The following SLC5A11 variants were observed in gnomAD, a reference collection of about 807,000 sequenced individuals.
The protein encoded by SLC5A11 is solute carrier family 5 member 11, also known as sodium/myo-inositol cotransporter 2.
Under a neutral mutation model 69.8 loss-of-function variants are expected in SLC5A11, and 48 were observed. That is an observed-to-expected ratio of 0.69 (90% confidence interval 0.55 to 0.87). The LOEUF is 0.87. SLC5A11 is among the 40% of genes least tolerant of loss of function. The probability of loss-of-function intolerance (pLI) is 0.00; values close to 1 mark genes in which losing one functional copy is unlikely to be tolerated. For missense variants in SLC5A11, 784 were observed against 866.1 expected (o/e 0.91, Z 1.19); for synonymous variants, 319 against 342.4 (o/e 0.93, Z 0.75).
intron 8 of SLC5A11, among the ~76,000 whole-genome samples, chr16:24,888,783 CTTTTTTTTT>C (rs1169015317): frequency 4.2e-4 from 19 of 45,740 alleles, no homozygotes; most frequent in Non-Finnish European, 8.6e-4. Context: ...CGTGCCTGTC[CTTTTTTTTT>C]TTTTTTTTTT....
intron 3 of SLC5A11, among the ~76,000 whole-genome samples, chr16:24,868,139 A>C (rs1369086959): frequency 3.3e-5 from 5 of 150,954 alleles, no homozygotes; most frequent in Non-Finnish European, 5.9e-5. Context: ...TCCATTTCAA[A>C]AAAAAAAAAA....
At chr16:24,905,640 G>GCGCGCACACACACACA (rs1443035551) in intron 10 of SLC5A11, among the ~76,000 whole-genome samples, 1 of 136,698 alleles carries the variant, frequency 7.3e-6, no homozygotes, top group African/African-American at 2.8e-5. Flanking sequence ...GCGCGCGCGC[G>GCGCGCACACACACACA]CACACACACA....
At chr16:24,870,359 C>T (rs578162652) in intron 4 of SLC5A11, among the ~76,000 whole-genome samples, 146 of 151,682 alleles carry the variant, frequency 9.6e-4, no homozygotes, top group African/African-American at 3.4e-3. Flanking sequence ...CACTACTGCG[C>T]GCCAGCCTGG....
At chr16:24,849,587 A>ATATAT (rs1446103229) in intron 1 of SLC5A11, among the ~76,000 whole-genome samples, 85 of 81,744 alleles carry the variant, frequency 1.0e-3, no homozygotes, top group Non-Finnish European at 1.9e-3. Context: ...AAAAAAAAAA[A>ATATAT]AAAAAAATAT....
intron 14 of SLC5A11, 94 bp from the exon 16 acceptor site, chr16:24,910,212 C>T (rs994423510): frequency 1.1e-5 from 14 of 1,308,298 alleles, no homozygotes; most frequent in Non-Finnish European, 1.5e-5. Flanking sequence ...GACACAAAGG[C>T]TGAGTGTGGG....
intron 5 of SLC5A11, among the ~76,000 whole-genome samples, chr16:24,874,962 G>A (rs1044998240): frequency 4.0e-5 from 6 of 151,854 alleles, no homozygotes; most frequent in Non-Finnish European, 7.4e-5. Context: ...AACTTGTCTA[G>A]GACTTTTGTC....
intron 2 of SLC5A11, chr16:24,862,221 T>C: frequency 6.0e-6 from 1 of 166,482 alleles, no homozygotes; most frequent in Non-Finnish European, 1.3e-5. Flanking sequence ...TGGTAAGGAT[T>C]AAATGAGGTA....
At position 24,849,754 on chromosome 16, in the gene SLC5A11, G is replaced by A. The variant is rs181440697; in HGVS notation, c.-25+3316G>A. ...GGCAGGTGAAGGACAACGCTCTGCCGGGTCCCCTGCACTCACTGGGCATAT... is the reference window on the plus strand; with the variant it reads ...GGCAGGTGAAGGACAACGCTCTGCCAGGTCCCCTGCACTCACTGGGCATAT... On this transcript the variant is annotated intron_variant, in intron 1 of 15. Coordinates refer to ENST00000347898, the Ensembl canonical transcript of SLC5A11. 1.0e-3 allele frequency among the ~76,000 whole-genome samples: 154 copies of A among 150,810 alleles called. 1 individual carries two copies. Among genetic ancestry groups the A allele is most frequent in the African/African-American group, 3.6e-3 (150 of 41,134 alleles).
Position 24,858,607 on chromosome 16 carries a change from TGCCC to T in SLC5A11, c.-24-12_-24-9del. 1 of 1,581,014 alleles carries T rather than the reference TGCCC, an allele frequency of 6.3e-7. No homozygotes were observed. The highest frequency in any genetic ancestry group is 8.6e-7 in the Non-Finnish European group (1 of 1,161,452). ...TAGGATCTGGCATTTGACTGGCATT[TGCCC>T]TTCCTCAGGATCCAGAGGTCTCGTT... is the stretch of plus-strand genomic sequence containing the variant. On this transcript the variant is annotated splice_polypyrimidine_tract_variant and intron_variant, in intron 1 of 15. Coordinates refer to ENST00000347898, the Ensembl canonical transcript of SLC5A11.
Position 24,881,204 on chromosome 16 carries a change from TA to T in SLC5A11, c.584-2833del, listed in dbSNP as rs879333733. ...CTGGGCAACAGAGCGAAACTCAAAT[TA>T]AAAAAAAAAAAAAGCTGTTCTGACT... On this transcript the variant is annotated intron_variant, in intron 7 of 15. Transcript: ENST00000347898. Among the ~76,000 whole-genome samples the T allele has an allele frequency of 8.1e-3, 1,122 of 138,184 alleles. 1 individual carries two copies. The highest frequency in any genetic ancestry group is 0.015 in the Middle Eastern group (4 of 262). The allele number at this position is 138,184 out of a possible 152,430, so 90.7% of individuals were successfully genotyped here.
At chr16:24,880,309 G>A (rs1044887440) in intron 7 of SLC5A11, among the ~76,000 whole-genome samples, 1 of 152,134 alleles carries the variant, frequency 6.6e-6, no homozygotes, top group Non-Finnish European at 1.5e-5. Flanking sequence ...CGGAGAGAAA[G>A]AGTGAAGCGG....
At chr16:24,903,016 A>G (rs1273032248) in intron 10 of SLC5A11, among the ~76,000 whole-genome samples, 1 of 152,194 alleles carries the variant, frequency 6.6e-6, no homozygotes, top group African/African-American at 2.4e-5. Context: ...AATTAGAGAG[A>G]GTGAAGTGGG....
chr16:24,886,479 T>C (rs113234978), intron 8 of SLC5A11, among the ~76,000 whole-genome samples: 1 of 152,192 alleles, frequency 6.6e-6, no homozygotes, highest in African/African-American at 2.4e-5. Context: ...TGTTTTTGCT[T>C]TTTGAGAAAT....
At chr16:24,890,495 A>G (rs2048704773) in intron 8 of SLC5A11, among the ~76,000 whole-genome samples, 1 of 61,120 alleles carries the variant, frequency 1.6e-5, no homozygotes, top group South Asian at 8.1e-4. Context: ...AAAAAAAAAA[A>G]AAAAAAAAAA....
At chr16:24,885,708 C>A (rs1224912995) in intron 8 of SLC5A11, among the ~76,000 whole-genome samples, 3 of 124,960 alleles carry the variant, frequency 2.4e-5, no homozygotes, top group Admixed American at 1.6e-4. Context: ...ATAGAAAACA[C>A]AGAAAAGCGA....
intron 1 of SLC5A11, among the ~76,000 whole-genome samples, chr16:24,850,464 C>T (rs2059252177): frequency 6.6e-6 from 1 of 152,268 alleles, no homozygotes; most frequent in Non-Finnish European, 1.5e-5. Flanking sequence ...CAGGGCACAG[C>T]TTGCTGCAGT....
intron 1 of SLC5A11, among the ~76,000 whole-genome samples, chr16:24,849,181 T>A (rs1326873375): frequency 6.6e-6 from 1 of 152,092 alleles, no homozygotes; most frequent in Non-Finnish European, 1.5e-5. Flanking sequence ...GCAGCTGTCA[T>A]TTAGTGAGGT....
chr16:24,907,370 G>T (rs1001195542), intron 12 of SLC5A11, among the ~76,000 whole-genome samples, 195 bp downstream of exon 13: 2 of 152,108 alleles, frequency 1.3e-5, no homozygotes, highest in African/African-American at 4.8e-5. Flanking sequence ...ACCATGAAAG[G>T]GCTCAGTTCT....
chr16:24,862,028 C>T (rs2046602513), intron 2 of SLC5A11: 1 of 152,182 alleles, frequency 6.6e-6, no homozygotes, highest in African/African-American at 2.4e-5. Context: ...TCACCAGACA[C>T]CAAACCTCTC....
Sources: allele counts gnomAD v4.1 joint callset (sites outside exome capture counted in the v4.1 genomes callset), GRCh38; gene constraint gnomAD v4.1.1; transcripts MANE v1.5; gene names NCBI Gene and HGNC (gene_info 2026-07-23, HGNC 2026-07-21).